COMMD10: variants seen among roughly 807,000 people sequenced by gnomAD.
The protein encoded by COMMD10 is COMM domain containing 10.
COMMD10 carries 33 observed loss-of-function variants against 28.9 expected under a neutral mutation model. The ratio of observed to expected loss-of-function variants is 1.14; its 90% CI spans 0.87 to 1.53. The LOEUF is 1.53. Ranked by LOEUF, COMMD10 falls within the 40% of genes most tolerant of loss-of-function variation. The pLI, the probability that COMMD10 is intolerant of heterozygous loss-of-function variation, is 0.00. For missense variants in COMMD10, 310 were observed against 233.4 expected (o/e 1.33, Z -2.14); for synonymous variants, 110 against 81.7 (o/e 1.35, Z -1.87).
intron 4 of COMMD10, among the ~76,000 whole-genome samples, chr5:116,103,444 T>TC (rs1162109058): frequency 2.0e-5 from 3 of 152,216 alleles, no homozygotes; most frequent in African/African-American, 7.2e-5. Flanking sequence ...TTTTCATGTG[T>TC]TTTTGGCTGC....
At chr5:116,129,441 TA>T (rs11297635) in intron 4 of COMMD10, among the ~76,000 whole-genome samples, 1,137 of 6,018 alleles carry the variant, frequency 0.19, 113 homozygotes, top group African/African-American at 0.25. Flanking sequence ...TACTATATAC[TA>T]ATGTAATATA....
intron 5 of COMMD10, among the ~76,000 whole-genome samples, chr5:116,266,028 G>A (rs539815103): frequency 6.6e-6 from 1 of 151,812 alleles, no homozygotes; most frequent in South Asian, 2.1e-4. Context: ...CTCAGAAAGA[G>A]ATGTATTTCT....
In COMMD10 at chr5:116,256,220, C is replaced by T. The variant is rs573672027; in HGVS notation, c.511-35297C>T. On this transcript the variant is annotated intron_variant, in intron 5 of 6. Transcript: ENST00000274458. ...ATAATGAGAGTTAACCATGTTTTGT[C>T]CAAAATGATTTTGAATCACCGTTCG... 3.3e-5 allele frequency among the ~76,000 whole-genome samples: 5 copies of T among 151,706 alleles called. No homozygotes were observed. In the South Asian group the frequency reaches 6.2e-4, roughly 19 times the overall value.
chr5:116,282,415 A>G (rs1751095497), intron 5 of COMMD10, among the ~76,000 whole-genome samples: 2 of 151,944 alleles, frequency 1.3e-5, no homozygotes, highest in Admixed American at 1.3e-4. Flanking sequence ...ATTTCCAAAT[A>G]AAAGCCAAAG....
At chr5:116,144,431 T>C (rs1489202454) in intron 5 of COMMD10, among the ~76,000 whole-genome samples, 1 of 151,826 alleles carries the variant, frequency 6.6e-6, no homozygotes, top group African/African-American at 2.4e-5. Context: ...AAACCCAGAC[T>C]CAGTGGTTAA....
At chr5:116,203,126 C>A (rs1333519145) in intron 5 of COMMD10, among the ~76,000 whole-genome samples, 1 of 151,874 alleles carries the variant, frequency 6.6e-6, no homozygotes, top group East Asian at 1.9e-4. Flanking sequence ...TTTCCCAGCA[C>A]CATTTATTAA....
intron 6 of COMMD10, 28 bp from the exon 7 acceptor site, chr5:116,292,423 C>CTTT (rs11337562): frequency 1.6e-5 from 20 of 1,269,040 alleles, no homozygotes; most frequent in South Asian, 5.0e-5. Flanking sequence ...TCACTAACGT[C>CTTT]TTTTTTTTTT....
intron 5 of COMMD10, among the ~76,000 whole-genome samples, chr5:116,228,275 G>T (rs1011453327): frequency 1.3e-5 from 2 of 151,772 alleles, no homozygotes; most frequent in South Asian, 4.1e-4. Context: ...GAAATATAGT[G>T]CAACGTCAGC....
chr5:116,138,510 C>G (rs895222326), intron 5 of COMMD10, among the ~76,000 whole-genome samples: 6 of 151,678 alleles, frequency 4.0e-5, no homozygotes, highest in Admixed American at 3.3e-4. Context: ...TGCTATTAAT[C>G]TTAGTACATT....
At chr5:116,229,998 T>A (rs992328428) in intron 5 of COMMD10, among the ~76,000 whole-genome samples, 1 of 151,980 alleles carries the variant, frequency 6.6e-6, no homozygotes, top group Non-Finnish European at 1.5e-5. Context: ...TTACTCCCTG[T>A]TAATGATTCA....
At chr5:116,174,854 T>TGGA (rs1753450096) in intron 5 of COMMD10, among the ~76,000 whole-genome samples, 1 of 152,180 alleles carries the variant, frequency 6.6e-6, no homozygotes, top group Middle Eastern at 3.2e-3. Flanking sequence ...TGTCCTATTT[T>TGGA]AACTTCTCTA....
chr5:116,159,681 C>A (rs1159355794), intron 5 of COMMD10, among the ~76,000 whole-genome samples: 1 of 152,064 alleles, frequency 6.6e-6, no homozygotes, highest in East Asian at 1.9e-4. Flanking sequence ...AGGTTTATTC[C>A]AAGTACAGGC....
At chr5:116,195,375 G>C (rs1402502465) in intron 5 of COMMD10, among the ~76,000 whole-genome samples, 1 of 151,924 alleles carries the variant, frequency 6.6e-6, no homozygotes, top group African/African-American at 2.4e-5. Context: ...AAGACTGTCA[G>C]TGTTTGACAA....
At chr5:116,099,055 C>T (rs1204901040) in intron 4 of COMMD10, among the ~76,000 whole-genome samples, 2 of 152,104 alleles carry the variant, frequency 1.3e-5, no homozygotes, top group African/African-American at 2.4e-5. Flanking sequence ...GTCACCATGC[C>T]ATACATTAGA....
chr5:116,171,617 G>A (rs977534810), intron 5 of COMMD10, among the ~76,000 whole-genome samples: 1 of 152,114 alleles, frequency 6.6e-6, no homozygotes, highest in Admixed American at 6.6e-5. Flanking sequence ...AGAAAATGTG[G>A]CACATATACA....
intron 5 of COMMD10, among the ~76,000 whole-genome samples, chr5:116,193,005 C>G (rs1748409981): frequency 6.6e-6 from 1 of 152,190 alleles, no homozygotes; most frequent in Admixed American, 6.5e-5. Flanking sequence ...TTAGCCTTAT[C>G]TTCAGCCTCC....
chr5:116,167,985 ATTAAAC>A lies in COMMD10; in HGVS notation c.510+33813_510+33818del, dbSNP rs552913754. 5.9e-3 allele frequency among the ~76,000 whole-genome samples: 896 copies of A among 152,258 alleles called. 2 individuals are homozygous for A. Among genetic ancestry groups the A allele is most frequent in the Non-Finnish European group, 9.1e-3 (622 of 68,028 alleles). On this transcript the variant is annotated intron_variant, in intron 5 of 6. Coordinates refer to ENST00000274458, the MANE Select transcript of COMMD10 (RefSeq NM_016144.4). The stretch of plus-strand genomic sequence containing the variant: ...AGGATCAAATTCACATGAAACAATA[ATTAAAC>A]TTAAATGTAAATGGACTAAATGCCC...
chr5:116,215,529 A>T (rs916933043), intron 5 of COMMD10, among the ~76,000 whole-genome samples: 20 of 151,574 alleles, frequency 1.3e-4, no homozygotes, highest in Admixed American at 5.3e-4. Context: ...TCTACTAAAA[A>T]TACAAAAATG....
At chr5:116,222,184 G>C (rs1045527499) in intron 5 of COMMD10, among the ~76,000 whole-genome samples, 3 of 152,184 alleles carry the variant, frequency 2.0e-5, no homozygotes, top group Admixed American at 6.5e-5. Flanking sequence ...TTCAGTGATA[G>C]TCAAATCTAA....
Sources: gnomAD v4.1 joint callset for allele counts (sites outside exome capture counted in the v4.1 genomes callset) on GRCh38, gnomAD v4.1.1 for gene constraint, MANE v1.5 for transcripts, NCBI Gene and HGNC (gene_info 2026-07-23, HGNC 2026-07-21) for gene names.